The following LINGO2 variants were observed in gnomAD, a reference collection of about 807,000 sequenced individuals.
The protein encoded by LINGO2 is leucine-rich repeat and immunoglobulin-like domain-containing nogo receptor-interacting protein 2.
LINGO2 carries 14 observed loss-of-function variants against 30.6 expected under a neutral mutation model. That is an observed-to-expected ratio of 0.46 (90% CI 0.30 to 0.72). The LOEUF is 0.72. LINGO2 is among the 30% of genes least tolerant of loss of function. The pLI is 0.07. For synonymous variants in LINGO2, 317 were observed against 288.5 expected (o/e 1.10, Z -1.00); for missense variants, 729 against 751.7 (o/e 0.97, Z 0.35).
At chr9:28,303,357 T>A (rs755618775) in intron 3 of LINGO2, among the ~76,000 whole-genome samples, 5 of 152,130 alleles carry the variant, frequency 3.3e-5, no homozygotes, top group African/African-American at 4.8e-5. Flanking sequence ...AGCCTGGGAA[T>A]GAGAGGGGCT....
At chr9:27,964,946 A>C (rs1820025284) in intron 5 of LINGO2, among the ~76,000 whole-genome samples, 1 of 152,064 alleles carries the variant, frequency 6.6e-6, no homozygotes, top group South Asian at 2.1e-4. Context: ...GCATGGAAAA[A>C]ACTCATTTGC....
intron 4 of LINGO2, among the ~76,000 whole-genome samples, chr9:28,056,825 T>G (rs185850458): frequency 6.6e-4 from 100 of 152,322 alleles, no homozygotes; most frequent in Non-Finnish European, 7.2e-4. Context: ...AGTGTCATTG[T>G]GTCTTTGACA....
chr9:28,887,683 T>C, the LINGO2 span, among the ~76,000 whole-genome samples: 1 of 152,140 alleles, frequency 6.6e-6, no homozygotes, highest in East Asian at 1.9e-4. Context: ...ATCATGGGTT[T>C]AGATGTGGGG....
At chr9:28,879,055 T>G in the LINGO2 span, among the ~76,000 whole-genome samples, 1 of 152,174 alleles carries the variant, frequency 6.6e-6, no homozygotes, top group African/African-American at 2.4e-5. Context: ...ATTGTCCCTG[T>G]TTGCAGATGA....
the LINGO2 span, among the ~76,000 whole-genome samples, chr9:28,804,124 C>T: frequency 6.6e-6 from 1 of 152,096 alleles, no homozygotes; most frequent in Non-Finnish European, 1.5e-5. Context: ...CTCTTTTCTT[C>T]TCTATCCGTG....
chr9:28,357,365 G>C (rs1251873300), intron 3 of LINGO2, among the ~76,000 whole-genome samples: 3 of 144,500 alleles, frequency 2.1e-5, no homozygotes, highest in African/African-American at 7.7e-5. Flanking sequence ...TCTTTTTAGG[G>C]ATACAATTCT....
chr9:28,962,134 G>C, the LINGO2 span, among the ~76,000 whole-genome samples: 1 of 151,304 alleles, frequency 6.6e-6, no homozygotes, highest in Non-Finnish European at 1.5e-5. Flanking sequence ...TAGGGTGGGA[G>C]CTACTGGTAA....
Position 27,970,612 on chromosome 9 carries a change from G to A in LINGO2, c.-35-19906C>T, listed in dbSNP as rs542162528. The stretch of plus-strand genomic sequence containing the variant: ...GTTCCATTTTTGCTGTAGAAAGAGT[G>A]ATGCTTATGAAGTCTATTAACACCC... On this transcript the variant is annotated intron_variant, in intron 5 of 5. Coordinates refer to ENST00000379992, the Ensembl canonical transcript of LINGO2. Among the ~76,000 whole-genome samples, 21 of 152,230 alleles carry A rather than the reference G, an allele frequency of 1.4e-4. No homozygotes were observed. In the South Asian group the frequency reaches 4.4e-3, roughly 32 times the overall value.
chr9:29,058,619 A>G, the LINGO2 span, among the ~76,000 whole-genome samples: 1 of 151,974 alleles, frequency 6.6e-6, no homozygotes, highest in Non-Finnish European at 1.5e-5. Flanking sequence ...TTAAGTCACA[A>G]CAAGGATCAA....
chr9:28,995,534 G>T, the LINGO2 span, among the ~76,000 whole-genome samples: 1 of 152,052 alleles, frequency 6.6e-6, no homozygotes, highest in African/African-American at 2.4e-5. Context: ...ATACCCAAAG[G>T]ACTATAAATC....
chr9:28,516,259 C>T (rs985626903), intron 1 of LINGO2, among the ~76,000 whole-genome samples: 4 of 152,130 alleles, frequency 2.6e-5, no homozygotes, highest in African/African-American at 9.7e-5. Context: ...TATATTTAAT[C>T]TCTCCCCACA....
At chr9:28,021,701 A>G (rs939110420) in intron 4 of LINGO2, among the ~76,000 whole-genome samples, 1 of 152,086 alleles carries the variant, frequency 6.6e-6, no homozygotes, top group Non-Finnish European at 1.5e-5. Flanking sequence ...TTGGATTGTT[A>G]TGTACTCTTG....
chr9:27,970,512 T>C (rs1443894029), intron 5 of LINGO2, among the ~76,000 whole-genome samples: 2 of 152,172 alleles, frequency 1.3e-5, no homozygotes, highest in Admixed American at 1.3e-4. Context: ...TTGGGGGGCA[T>C]TGTCATGTTT....
At chr9:28,187,926 A>T (rs1819600733) in intron 4 of LINGO2, among the ~76,000 whole-genome samples, 1 of 152,136 alleles carries the variant, frequency 6.6e-6, no homozygotes, top group African/African-American at 2.4e-5. Context: ...TTGCCTTTTA[A>T]TTCCAAACTA....
chr9:28,556,867 GA>G (rs893817862), intron 1 of LINGO2, among the ~76,000 whole-genome samples: 22 of 152,170 alleles, frequency 1.4e-4, no homozygotes, highest in African/African-American at 5.1e-4. Context: ...TCTGATCTTT[GA>G]AAAACCTGAG....
the LINGO2 span, among the ~76,000 whole-genome samples, chr9:29,065,998 G>C: frequency 6.6e-6 from 1 of 151,932 alleles, no homozygotes; most frequent in Non-Finnish European, 1.5e-5. Context: ...GCAGAAGAGA[G>C]AAAACTGGAG....
chr9:28,177,689 AAAAG>A lies in LINGO2; in HGVS notation c.-87+117515_-87+117518del, dbSNP rs1219549440. ...AAAAGGAGCAACAAATAAATAAATA[AAAAG>A]AAAGAAAGGAAGAAAAAGGAATGGA... On this transcript the variant is annotated intron_variant, in intron 4 of 5. Transcript: ENST00000379992. Among the ~76,000 whole-genome samples the A allele has an allele frequency of 2.0e-5, 3 of 152,186 alleles. No individual in the cohort carries two copies. The East Asian group carries it at 5.8e-4, about 29-fold the overall frequency.
At chr9:28,888,494 G>GA in the LINGO2 span, among the ~76,000 whole-genome samples, 92 of 152,028 alleles carry the variant, frequency 6.1e-4, no homozygotes, top group Non-Finnish European at 1.2e-3. Flanking sequence ...ATACAACCAA[G>GA]AAAAAAAGTT....
intron 3 of LINGO2, among the ~76,000 whole-genome samples, chr9:28,303,773 G>A (rs959347185): frequency 3.3e-5 from 5 of 151,880 alleles, no homozygotes; most frequent in Non-Finnish European, 5.9e-5. Flanking sequence ...TCTTCATGTT[G>A]AGTAGGCTAA....
Sources: gnomAD v4.1 joint callset for allele counts (sites outside exome capture counted in the v4.1 genomes callset) on GRCh38, gnomAD v4.1.1 for gene constraint, MANE v1.5 for transcripts, NCBI Gene and HGNC (gene_info 2026-07-23, HGNC 2026-07-21) for gene names.